The following FER1L5 variants were observed in gnomAD, a reference collection of about 807,000 sequenced individuals.
FER1L5 encodes the protein fer-1 like family member 5.
Under a neutral mutation model 279.9 loss-of-function variants are expected in FER1L5, and 187 were observed. The ratio of observed to expected loss-of-function variants is 0.67; its 90% CI spans 0.59 to 0.75. FER1L5 has a LOEUF of 0.75. FER1L5 is among the 30% of genes least tolerant of loss of function. The pLI is 0.00. For missense variants in FER1L5, 2,091 were observed against 2,594.4 expected (o/e 0.81, Z 4.21); for synonymous variants, 921 against 989.7 (o/e 0.93, Z 1.30).
intron 4 of FER1L5, among the ~76,000 whole-genome samples, chr2:96,649,396 A>G (rs2075273696): frequency 6.6e-6 from 1 of 152,048 alleles, no homozygotes; most frequent in African/African-American, 2.4e-5. Flanking sequence ...GGCTGCTTTA[A>G]TCTACAAACA....
rs374460728 is a variant in FER1L5, at chr2:96,698,067, G to A, written c.4267G>A (p.Ala1423Thr). The part of the protein sequence containing the change: ...VYECELEAVP[A>T]FQGLQDFCQT... The stretch of plus-strand genomic sequence containing the variant: ...TGAGTGTGAGCTGGAGGCCGTGCCA[G>A]CCTTCCAGGGCCTGCAGGACTTCTG... Residue 1423 changes from alanine to threonine, a missense_variant, in exon 40 of 53, where the codon GCC becomes ACC. Physicochemically the swap from Ala to Thr is moderately conservative, Grantham distance 58. Transcript: ENST00000624922. This position sits in a 1 kb window ranked among gnomAD's most constrained non-coding sequence, Gnocchi z 5.5. The A allele has an allele frequency of 4.5e-5, 71 of 1,586,090 alleles. No homozygotes were observed. The highest frequency in any genetic ancestry group is 1.1e-4 in the Admixed American group (6 of 55,866).
chr2:96,701,784 G>C (rs2077594662), intron 45 of FER1L5, among the ~76,000 whole-genome samples, 171 bp from the exon 46 acceptor site: 1 of 152,156 alleles, frequency 6.6e-6, no homozygotes. Context: ...AAAAGAAAGG[G>C]GGAAGCTGGT....
rs939575772 is a variant in FER1L5 at position 96,691,380 on chromosome 2, G to T, written c.2907+27G>T. ...TGAGGGGTCGACGGGCGCCCTGGCT[G>T]GGACTGCGGGCAGGGCCGCCTTGGC... is the stretch of plus-strand genomic sequence containing the variant. On this transcript the variant is annotated intron_variant, in intron 28 of 52. Transcript: ENST00000624922. The surrounding 1 kb of genome is among the most constrained non-coding windows in gnomAD (Gnocchi z 6.0). 26 of 1,542,454 alleles carry T rather than the reference G, an allele frequency of 1.7e-5. No individual in the cohort carries two copies. Among genetic ancestry groups the T allele is most frequent in the Non-Finnish European group, 1.6e-5 (18 of 1,141,184 alleles).
At chr2:96,696,143 G>A in intron 37 of FER1L5, 66 bp downstream of exon 37, 2 of 1,601,504 alleles carry the variant, frequency 1.2e-6, no homozygotes, top group Non-Finnish European at 1.7e-6. Context: ...TGGGCCTAAG[G>A]AGGGGTGTCC....
chr2:96,678,063 GT>G (rs2076575425), intron 19 of FER1L5, among the ~76,000 whole-genome samples: 1 of 151,232 alleles, frequency 6.6e-6, no homozygotes, highest in Non-Finnish European at 1.5e-5. Flanking sequence ...GCAGCTCATC[GT>G]TGTGTTAATC....
Position 96,686,064 on chromosome 2 carries a change from ATGG to A in FER1L5, c.2024_2026del (p.Val675del), listed in dbSNP as rs1157177388. ...GGCCAAGCAAGCCAAGCCCAAGGAC[ATGG>A]TGGCCACAGCGGAGGACTGGCTGTA... On this transcript the variant is annotated inframe_deletion, in exon 22 of 53. Transcript: ENST00000624922. The A allele has an allele frequency of 5.2e-6, 8 of 1,551,522 alleles. No individual in the cohort carries two copies. Among genetic ancestry groups the A allele is most frequent in the Non-Finnish European group, 6.1e-6 (7 of 1,146,982 alleles).
chr2:96,704,332 T>A lies in FER1L5; in HGVS notation c.5919T>A (p.Leu1973=). 1 of 1,614,024 alleles carries A rather than the reference T, an allele frequency of 6.2e-7. No individual in the cohort carries two copies. Among genetic ancestry groups the A allele is most frequent in the Non-Finnish European group, 8.5e-7 (1 of 1,179,898 alleles). Residue 1973 remains leucine (L), a synonymous_variant, in exon 52 of 53, where the codon CTT becomes CTA. Transcript: ENST00000624922. ...TTATGGTCATATCGATTATAGCACT[T>A]ATGCTGTTTAACTTCATCTATTCAG... The part of the protein sequence containing the change: ...IAFMVISIIA[L]MLFNFIYSAP...
intron 8 of FER1L5, 61 bp downstream of exon 8, chr2:96,653,763 G>A: frequency 1.6e-6 from 2 of 1,282,740 alleles, no homozygotes; most frequent in Non-Finnish European, 2.2e-6. Flanking sequence ...ATACTGGGAA[G>A]CACTACAGCT....
At position 96,699,734 on chromosome 2, in the gene FER1L5, C is replaced by T. The variant is rs563849594; in HGVS notation, c.4781+14C>T. The T allele has an allele frequency of 1.6e-5, 26 of 1,613,314 alleles. No individual in the cohort carries two copies. In the African/African-American group the frequency reaches 2.0e-4, roughly 12 times the overall value. ...ATCCTACTGCCAGTGAGAGTGGGCC[C>T]GTCTGGGGGAAGGGAGTCAGGTGGG... On this transcript the variant is annotated intron_variant, in intron 43 of 52. Transcript: ENST00000624922.
rs766326290 is a variant in FER1L5, at chr2:96,704,515, T to C, written c.5997T>C (p.Pro1999=). Residue 1999 remains proline (P), a synonymous_variant, in exon 53 of 53, where the codon CCT becomes CCC. Coordinates refer to ENST00000624922, the MANE Select transcript of FER1L5 (RefSeq NM_001293083.2). ...SWIKPQLQLY[P]PIKIFNIINS... ...TCAAACCTCAACTTCAGCTGTATCCTCCCATTAAAATATTCAATATCATCA... is the reference window on the plus strand; with the variant it reads ...TCAAACCTCAACTTCAGCTGTATCCCCCCATTAAAATATTCAATATCATCA... The C allele has an allele frequency of 1.9e-6, 3 of 1,613,862 alleles. No individual in the cohort carries two copies. Among genetic ancestry groups the C allele is most frequent in the Non-Finnish European group, 1.7e-6 (2 of 1,179,880 alleles).
In FER1L5 at chr2:96,660,635, A is replaced by G. The variant is rs1464179204; in HGVS notation, c.778+264A>G. On this transcript the variant is annotated intron_variant, in intron 10 of 52. Coordinates refer to ENST00000624922, the MANE Select transcript of FER1L5 (RefSeq NM_001293083.2). ...AGTGGCTCAATCTTGGCTCACTGCT[A>G]TCTCTGCCTACTGGCTTCAAGCAAT... is the stretch of plus-strand genomic sequence containing the variant. Among the ~76,000 whole-genome samples, 6 of 152,138 alleles carry G rather than the reference A, an allele frequency of 3.9e-5. No homozygotes were observed. In the South Asian group the frequency reaches 6.2e-4, roughly 16 times the overall value.
chr2:96,700,102 C>G (rs1330618997), intron 44 of FER1L5, 22 bp downstream of exon 44: 4 of 1,612,920 alleles, frequency 2.5e-6, no homozygotes, highest in Non-Finnish European at 3.4e-6. Flanking sequence ...AGAACACTAG[C>G]AGAAAGCACA....
intron 19 of FER1L5, among the ~76,000 whole-genome samples, chr2:96,679,449 C>T (rs535656869): frequency 6.6e-6 from 1 of 152,114 alleles, no homozygotes; most frequent in African/African-American, 2.4e-5. Flanking sequence ...GTCTCGATCT[C>T]GTGACCTCGT....
intron 19 of FER1L5, among the ~76,000 whole-genome samples, chr2:96,681,710 T>C (rs1448282089): frequency 6.6e-6 from 1 of 152,128 alleles, no homozygotes; most frequent in Non-Finnish European, 1.5e-5. Flanking sequence ...CTGTGTATTA[T>C]TCTATTGTGT....
chr2:96,698,681 G>T lies in FER1L5; in HGVS notation c.4367G>T (p.Arg1456Leu). ...PVVGEFKGLF[R>L]IYPFPENPEA... ...CCCTCCCCCCGCCAGGGCCTTTTCCGCATCTACCCCTTTCCTGAGAATCCA... is the reference window on the plus strand; with the variant it reads ...CCCTCCCCCCGCCAGGGCCTTTTCCTCATCTACCCCTTTCCTGAGAATCCA... Residue 1456 changes from arginine to leucine, a missense_variant, in exon 41 of 53, where the codon CGC becomes CTC. Transcript: ENST00000624922. This position sits in a 1 kb window ranked among gnomAD's most constrained non-coding sequence, Gnocchi z 5.5. 1 of 1,586,422 alleles carries T rather than the reference G, an allele frequency of 6.3e-7. No individual in the cohort carries two copies.
chr2:96,663,222 T>C (rs968103033), intron 13 of FER1L5, among the ~76,000 whole-genome samples: 3 of 152,294 alleles, frequency 2.0e-5, no homozygotes, highest in African/African-American at 7.2e-5. Flanking sequence ...AGGAAAAATA[T>C]GAGGAATCTG....
intron 19 of FER1L5, among the ~76,000 whole-genome samples, chr2:96,682,914 G>A (rs2076782881): frequency 6.6e-6 from 1 of 152,166 alleles, no homozygotes; most frequent in South Asian, 2.1e-4. Flanking sequence ...CAAACTACTT[G>A]AGACCACTTT....
At chr2:96,653,218 A>C (rs2075456737) in intron 7 of FER1L5, 1 of 199,110 alleles carries the variant, frequency 5.0e-6, no homozygotes, top group Non-Finnish European at 1.0e-5. Flanking sequence ...AAAAATAGGA[A>C]ACCCTCTAGG....
Position 96,704,093 on chromosome 2 carries a change from G to A in FER1L5, c.5802-122G>A. 4.9e-6 allele frequency: 6 copies of A among 1,212,254 alleles called. No individual in the cohort carries two copies. The South Asian group carries it at 9.2e-5, about 19-fold the overall frequency. The allele number at this position is 1,212,254 out of a possible 1,614,324, so 75.1% of individuals were successfully genotyped here. On this transcript the variant is annotated intron_variant, in intron 51 of 52. Coordinates refer to ENST00000624922, the MANE Select transcript of FER1L5 (RefSeq NM_001293083.2). Reference sequence around the variant, plus strand: ...GGCCTCCCAAAATGCTGGGATTACAGGCGTGAGACACTGTGCCTGGCCCAG... The same window carrying A: ...GGCCTCCCAAAATGCTGGGATTACAAGCGTGAGACACTGTGCCTGGCCCAG...
Sources: allele counts gnomAD v4.1 joint callset (sites outside exome capture counted in the v4.1 genomes callset), GRCh38; gene constraint gnomAD v4.1.1; non-coding constraint Gnocchi (gnomAD v3.1); transcripts MANE v1.5; gene names NCBI Gene and HGNC (gene_info 2026-07-23, HGNC 2026-07-21).